CASR: variants seen among roughly 807,000 people sequenced by gnomAD.
CASR encodes the protein extracellular calcium-sensing receptor.
In CASR, 23 loss-of-function variants were observed where a neutral mutation model predicts 69.1. The ratio of observed to expected loss-of-function variants is 0.33; its 90% CI spans 0.24 to 0.47. The LOEUF is 0.47. CASR is among the 20% of genes least tolerant of loss of function. The pLI is 1.00. For synonymous variants in CASR, 541 were observed against 544.7 expected, an observed-to-expected ratio of 0.99 and a Z score of 0.10; for missense variants, 924 against 1,356.1, an observed-to-expected ratio of 0.68 and a Z score of 5.00.
chr3:122,276,370 C>T (rs1275695429), intron 5 of CASR, among the ~76,000 whole-genome samples: 1 of 152,170 alleles, frequency 6.6e-6, no homozygotes, highest in Admixed American at 6.5e-5. Flanking sequence ...ATGTAAACAT[C>T]GGTCAAGTCA....
intron 4 of CASR, among the ~76,000 whole-genome samples, chr3:122,271,541 T>C (rs990077120): frequency 1.3e-5 from 2 of 152,226 alleles, no homozygotes; most frequent in Non-Finnish European, 2.9e-5. Flanking sequence ...GTTTCACTAA[T>C]TAATTCATAT....
At chr3:122,202,476 C>A (rs1395699291) in intron 1 of CASR, among the ~76,000 whole-genome samples, 1 of 135,078 alleles carries the variant, frequency 7.4e-6, no homozygotes, top group Non-Finnish European at 1.6e-5. Flanking sequence ...GAGAGGGAGA[C>A]CGTGGGGAGA....
chr3:122,262,149 A>G lies in CASR; in HGVS notation c.1114A>G (p.Thr372Ala), dbSNP rs571007208. ...EGAKGPLPVDTFLRGHEESGD... is the reference protein window; with the variant it reads ...EGAKGPLPVDAFLRGHEESGD... ...TGCAAAAGGACCTTTACCTGTGGAC[A>G]CCTTTCTGAGAGGTCACGAAGAAAG... Residue 372 changes from threonine to alanine, a missense_variant, in exon 4 of 7, where the codon ACC (threonine) becomes GCC (alanine). This residue lies in a region of CASR where 310 missense variants were observed against 395.7 expected (regional missense o/e 0.78). Transcript: ENST00000639785. 9 of 1,614,190 alleles carry G rather than the reference A, an allele frequency of 5.6e-6. No individual in the cohort carries two copies. The South Asian group carries it at 8.8e-5, about 16-fold the overall frequency.
intron 1 of CASR, among the ~76,000 whole-genome samples, chr3:122,244,440 C>T (rs2074407763): frequency 1.1e-5 from 1 of 92,516 alleles, no homozygotes; most frequent in Non-Finnish European, 2.5e-5. Flanking sequence ...AAATACTATA[C>T]AATAATGAGA....
chr3:122,201,881 C>T (rs1203032312), intron 1 of CASR, among the ~76,000 whole-genome samples: 2 of 151,462 alleles, frequency 1.3e-5, no homozygotes, highest in Non-Finnish European at 2.9e-5. Flanking sequence ...AAGAGGCGCT[C>T]CTCACTTCCT....
At chr3:122,211,015 T>A (rs1576824714) in intron 1 of CASR, among the ~76,000 whole-genome samples, 1 of 152,198 alleles carries the variant, frequency 6.6e-6, no homozygotes, top group South Asian at 2.1e-4. Flanking sequence ...TAAATGGTGT[T>A]GGGAGAATGG....
chr3:122,257,396 G>A lies in CASR; in HGVS notation c.492+9G>A, dbSNP rs2074567187. 2 of 1,610,062 alleles carry A rather than the reference G, an allele frequency of 1.2e-6. No individual in the cohort carries two copies. Among genetic ancestry groups the A allele is most frequent in the African/African-American group, 2.7e-5 (2 of 74,856 alleles). ...TCTTCTACATTCCCCAGGTACTCAA[G>A]CCTTCTCAGGCGGGGCACTGGGAGC... On this transcript the variant is annotated intron_variant, in intron 3 of 6. Coordinates refer to ENST00000639785, the MANE Select transcript of CASR (RefSeq NM_000388.4).
chr3:122,235,341 G>C (rs1024031709), intron 1 of CASR, among the ~76,000 whole-genome samples: 5 of 152,190 alleles, frequency 3.3e-5, no homozygotes, highest in South Asian at 2.1e-4. Flanking sequence ...TCTATGGTTA[G>C]TGGCCATTTT....
chr3:122,205,898 T>C (rs1297037259), intron 1 of CASR, among the ~76,000 whole-genome samples: 1 of 152,094 alleles, frequency 6.6e-6, no homozygotes, highest in Non-Finnish European at 1.5e-5. Context: ...TAAATGTTAC[T>C]GATTTTTGAG....
chr3:122,276,179 A>G (rs2074818033), intron 5 of CASR, 137 bp downstream of exon 5: 10 of 700,928 alleles, frequency 1.4e-5, no homozygotes, highest in South Asian at 1.2e-4. Flanking sequence ...GGCCTTTGCA[A>G]TCTTGGGGCT....
chr3:122,286,962 G>A lies in CASR; in HGVS notation c.*1771G>A, dbSNP rs973525081. ...ATGAGAAATCATTAGAGGGCACCAT[G>A]TGGGAGCGCGACTGTGAGCAGAAGG... On this transcript the variant is annotated 3_prime_UTR_variant, in exon 7 of 7. Transcript: ENST00000639785. 6.6e-6 allele frequency: 1 copy of A among 152,226 alleles called. No individual in the cohort carries two copies. The highest frequency in any genetic ancestry group is 2.4e-5 in the African/African-American group (1 of 41,446). 9.4% of individuals were successfully genotyped at this position (152,226 alleles called of 1,614,324 possible).
chr3:122,238,166 A>G (rs1352229152), intron 1 of CASR, among the ~76,000 whole-genome samples: 2 of 152,222 alleles, frequency 1.3e-5, no homozygotes, highest in Non-Finnish European at 2.9e-5. Context: ...GGTAGGAAAG[A>G]CAGCCTTGAA....
chr3:122,261,647 C>T lies in CASR; in HGVS notation c.612C>T (p.Phe204=). 6.2e-7 allele frequency: 1 copy of T among 1,614,238 alleles called. No individual in the cohort carries two copies. The highest frequency in any genetic ancestry group is 8.5e-7 in the Non-Finnish European group (1 of 1,180,038). ...ATAMADIIEY[F]RWNWVGTIAA... ...CCATGGCAGACATCATCGAGTATTT[C>T]CGCTGGAACTGGGTGGGCACAATTG... is the stretch of plus-strand genomic sequence containing the variant. The change falls in exon 4 of 7, where the codon TTC becomes TTT. Residue 204 remains phenylalanine, a synonymous_variant. Transcript: ENST00000639785.
intron 1 of CASR, among the ~76,000 whole-genome samples, chr3:122,252,449 A>AAAGAAAGAAAGAAAGAAAGAAAGAAAAG (rs1559954421): frequency 1.8e-5 from 1 of 54,534 alleles, no homozygotes. Flanking sequence ...AAGAAAGAAA[A>AAAGAAAGAAAGAAAGAAAGAAAGAAAAG]AAAAGAAAAG....
chr3:122,187,209 G>T (rs985275583), intron 1 of CASR, among the ~76,000 whole-genome samples: 3 of 152,118 alleles, frequency 2.0e-5, no homozygotes, highest in African/African-American at 7.2e-5. Flanking sequence ...AGGTGTGGCA[G>T]GTGGGCTGTA....
intron 1 of CASR, among the ~76,000 whole-genome samples, chr3:122,192,102 A>G (rs191297292): frequency 3.3e-5 from 5 of 152,376 alleles, no homozygotes; most frequent in Admixed American, 3.3e-4. Flanking sequence ...TTTGAAACTG[A>G]AACACAAGAA....
chr3:122,232,960 A>C (rs1329248561), intron 1 of CASR, among the ~76,000 whole-genome samples: 7 of 152,180 alleles, frequency 4.6e-5, no homozygotes, highest in Non-Finnish European at 8.8e-5. Flanking sequence ...AGACCACTCC[A>C]CAATCATGTC....
At chr3:122,236,697 T>A (rs1171375962) in intron 1 of CASR, among the ~76,000 whole-genome samples, 1 of 152,174 alleles carries the variant, frequency 6.6e-6, no homozygotes, top group African/African-American at 2.4e-5. Context: ...AAATCTCCAG[T>A]GGGACGCAAA....
intron 1 of CASR, among the ~76,000 whole-genome samples, chr3:122,214,909 C>T (rs73184080): frequency 2.6e-5 from 4 of 152,210 alleles, no homozygotes; most frequent in Non-Finnish European, 5.9e-5. Context: ...TTTCTTCAGT[C>T]ATTTATTAAC....
Sources: gnomAD v4.1 joint callset for allele counts (sites outside exome capture counted in the v4.1 genomes callset) on GRCh38, gnomAD v4.1.1 for gene constraint, gnomAD v4.1.1 regional missense constraint, MANE v1.5 for transcripts, NCBI Gene and HGNC (gene_info 2026-07-23, HGNC 2026-07-21) for gene names.